NSD1: variants seen among roughly 807,000 people sequenced by gnomAD.
The protein encoded by NSD1 is nuclear receptor binding SET domain protein 1, also known as histone-lysine N-methyltransferase, H3 lysine-36 specific.
NSD1 carries 26 observed loss-of-function variants against 242.7 expected under a neutral mutation model. The observed-to-expected ratio is 0.11, with a 90% CI of 0.08 to 0.15. The LOEUF is 0.15. Among genes scored for constraint, NSD1 ranks in the 10% least tolerant of loss-of-function variants. The pLI is 1.00. For missense variants in NSD1, 2,495 were observed against 3,272.8 expected (o/e 0.76, Z 5.80); for synonymous variants, 1,106 against 1,178.1 (o/e 0.94, Z 1.25).
At chr5:177,203,573 T>A (rs991631743) in intron 3 of NSD1, among the ~76,000 whole-genome samples, 1 of 152,154 alleles carries the variant, frequency 6.6e-6, no homozygotes, top group Non-Finnish European at 1.5e-5. Flanking sequence ...TTTGGGGGTG[T>A]GGTTGTGGGG....
At chr5:177,241,705 C>A (rs1343955270) in intron 8 of NSD1, among the ~76,000 whole-genome samples, 1 of 152,134 alleles carries the variant, frequency 6.6e-6, no homozygotes, top group African/African-American at 2.4e-5. Context: ...GCACCAAACT[C>A]TGGAGAAAAG....
At chr5:177,290,158 G>A (rs1193651379) in intron 21 of NSD1, among the ~76,000 whole-genome samples, 1 of 147,852 alleles carries the variant, frequency 6.8e-6, no homozygotes, top group Admixed American at 6.9e-5. Context: ...AGTCCTTGCT[G>A]ATCATTTTTA....
rs115560531 is a variant in NSD1 at position 177,216,433 on chromosome 5, C to T, written c.3796+4238C>T. ...TCCTTCCAATATCATGAAGTTTTTT[C>T]GTCTGTTTTCTTCTAGGAGTTTCAT... On this transcript the variant is annotated intron_variant, in intron 5 of 22. Transcript: ENST00000439151. Among the ~76,000 whole-genome samples the T allele has an allele frequency of 5.4e-3, 820 of 151,596 alleles. 6 individuals carry two copies. The highest frequency in any genetic ancestry group is 0.019 in the African/African-American group (775 of 41,340).
chr5:177,285,232 T>C (rs1010775687), intron 20 of NSD1, among the ~76,000 whole-genome samples: 2 of 152,192 alleles, frequency 1.3e-5, no homozygotes, highest in African/African-American at 2.4e-5. Context: ...TATATACCTA[T>C]GCATGTAACA....
At chr5:177,192,377 ATTTTTGT>A (rs1761762436) in intron 3 of NSD1, among the ~76,000 whole-genome samples, 1 of 150,416 alleles carries the variant, frequency 6.6e-6, no homozygotes, top group East Asian at 2.0e-4. Context: ...CGCTTGGCTA[ATTTTTGT>A]TTTTTGTTTT....
chr5:177,137,038 T>C, intron 2 of NSD1: 1 of 489,262 alleles, frequency 2.0e-6, no homozygotes. Context: ...CTTATTTGAG[T>C]TGTTGTTTTC....
rs1337310279 is a variant in NSD1 at position 177,280,825 on chromosome 5, T to C, written c.5883T>C (p.Asp1961=). ...QRGWGLRTKT[D]IKKGEFVNEY... ...GTTGGGGTCTACGGACAAAAACAGA[T>C]ATTAAAAAGGTTAGAAAAAGCTAAA... Residue 1961 remains aspartate (D), a synonymous_variant, in exon 18 of 23, where the codon GAT becomes GAC. Transcript: ENST00000439151. 14 of 1,614,076 alleles carry C rather than the reference T, an allele frequency of 8.7e-6. No individual in the cohort carries two copies. Among genetic ancestry groups the C allele is most frequent in the Non-Finnish European group, 1.2e-5 (14 of 1,180,046 alleles).
intron 19 of NSD1, among the ~76,000 whole-genome samples, chr5:177,282,979 A>G (rs904816639): frequency 6.6e-6 from 1 of 152,258 alleles, no homozygotes; most frequent in Non-Finnish European, 1.5e-5. Flanking sequence ...TTTGAGACAG[A>G]GTCTCGTTCT....
At chr5:177,289,709 G>C (rs1759624912) in intron 21 of NSD1, among the ~76,000 whole-genome samples, 1 of 152,140 alleles carries the variant, frequency 6.6e-6, no homozygotes, top group Non-Finnish European at 1.5e-5. Context: ...AAAAGTATAA[G>C]CATTGTTGTG....
At chr5:177,218,861 G>T (rs892905047) in intron 5 of NSD1, among the ~76,000 whole-genome samples, 1 of 151,502 alleles carries the variant, frequency 6.6e-6, no homozygotes, top group Admixed American at 6.6e-5. Context: ...GAGCCACCGC[G>T]CCCGGCCCCC....
intron 4 of NSD1, among the ~76,000 whole-genome samples, chr5:177,205,419 C>T (rs1399174861): frequency 6.6e-6 from 1 of 151,690 alleles, no homozygotes; most frequent in African/African-American, 2.4e-5. Flanking sequence ...ATATTTCAAC[C>T]ATCAGTATTG....
chr5:177,172,434 CTG>C (rs1759792525), intron 2 of NSD1, among the ~76,000 whole-genome samples: 1 of 151,920 alleles, frequency 6.6e-6, no homozygotes, highest in African/African-American at 2.4e-5. Context: ...GAAATAAAGA[CTG>C]AATCTGATGA....
chr5:177,188,590 C>T (rs1245634404), intron 2 of NSD1, among the ~76,000 whole-genome samples: 4 of 152,032 alleles, frequency 2.6e-5, no homozygotes, highest in African/African-American at 9.7e-5. Context: ...TTGCTTCAGC[C>T]TAGTTTATAA....
intron 4 of NSD1, among the ~76,000 whole-genome samples, chr5:177,208,843 C>T (rs1763105097): frequency 1.3e-5 from 2 of 151,968 alleles, no homozygotes; most frequent in South Asian, 4.1e-4. Context: ...GTATAGGTGT[C>T]TGCCACCACA....
chr5:177,207,493 A>G (rs62397228), intron 4 of NSD1, among the ~76,000 whole-genome samples: 215 of 150,310 alleles, frequency 1.4e-3, no homozygotes, highest in Admixed American at 4.2e-3. Flanking sequence ...CATGTTAGCC[A>G]GGATGGTCTC....
chr5:177,268,486 T>C (rs1387354994), intron 15 of NSD1, among the ~76,000 whole-genome samples: 3 of 151,936 alleles, frequency 2.0e-5, no homozygotes, highest in Admixed American at 2.0e-4. Flanking sequence ...ATAATAAAAT[T>C]AAAAAATATA....
At chr5:177,173,223 C>T (rs180948983) in intron 2 of NSD1, among the ~76,000 whole-genome samples, 195 of 139,444 alleles carry the variant, frequency 1.4e-3, no homozygotes, top group Admixed American at 3.5e-3. Context: ...ACCCGGGAGG[C>T]GGAGCTTACA....
In NSD1 at chr5:177,135,448, C is replaced by T; in HGVS notation, c.345C>T (p.Ser115=). Residue 115 remains serine, a synonymous_variant, in exon 2 of 23, where the codon TCC becomes TCT. Coordinates refer to ENST00000439151, the MANE Select transcript of NSD1 (RefSeq NM_022455.5). ...CTCAGACGCCAATTGTTTGCACTTC[C>T]TTGAGTCCTGGTGGTCCTACAGCAC... ...SRAQTPIVCT[S]LSPGGPTALA... 1 of 1,614,192 alleles carries T rather than the reference C, an allele frequency of 6.2e-7. No individual in the cohort carries two copies. Among genetic ancestry groups the T allele is most frequent in the Non-Finnish European group, 8.5e-7 (1 of 1,180,028 alleles).
chr5:177,263,191 T>C lies in NSD1; in HGVS notation c.5146+3023T>C, dbSNP rs534432854. ...GGACGTGATCGTCACCTTGGCAAAA[T>C]AAACTTTCTAAATTGGTTGAGACTT... On this transcript the variant is annotated intron_variant, in intron 14 of 22. Coordinates refer to ENST00000439151, the MANE Select transcript of NSD1 (RefSeq NM_022455.5). Among the ~76,000 whole-genome samples, 5 of 152,328 alleles carry C rather than the reference T, an allele frequency of 3.3e-5. No homozygotes were observed. In the East Asian group the frequency reaches 7.7e-4, roughly 23 times the overall value.
Sources: gnomAD v4.1 joint callset for allele counts (sites outside exome capture counted in the v4.1 genomes callset) on GRCh38, gnomAD v4.1.1 for gene constraint, MANE v1.5 for transcripts, NCBI Gene and HGNC (gene_info 2026-07-23, HGNC 2026-07-21) for gene names.